SLC12A3: variants seen among roughly 807,000 people sequenced by gnomAD.
The protein encoded by SLC12A3 is solute carrier family 12 member 3.
In SLC12A3, 104 loss-of-function variants were observed where a neutral mutation model predicts 121.0. The observed-to-expected ratio is 0.86, with a 90% CI of 0.73 to 1.01. The LOEUF is 1.01. Among genes scored for constraint, SLC12A3 ranks in the 50% least tolerant of loss-of-function variants. SLC12A3 has a pLI of 0.00. For missense variants in SLC12A3, 1,328 were observed against 1,356.3 expected (o/e 0.98, Z 0.33); for synonymous variants, 536 against 533.4 (o/e 1.00, Z -0.07).
chr16:56,886,328 C>G (rs760025879), intron 15 of SLC12A3, 36 bp from the exon 16 acceptor site: 2 of 1,534,542 alleles, frequency 1.3e-6, no homozygotes, highest in Non-Finnish European at 1.8e-6. Context: ...TGGGCTCTCT[C>G]CTGATGGCTC....
chr16:56,890,371 C>T lies in SLC12A3; in HGVS notation c.2368+15C>T, dbSNP rs763844518. 1 of 1,608,344 alleles carries T rather than the reference C, an allele frequency of 6.2e-7. No individual in the cohort carries two copies. The highest frequency in any genetic ancestry group is 2.2e-5 in the East Asian group (1 of 44,842). On this transcript the variant is annotated intron_variant, in intron 19 of 25. Transcript: ENST00000563236. Reference sequence around the variant, plus strand: ...GCAGGCGCACAGTGAGTACATGCCCCACCCACTCCCAGAAAGTTCTAGAAC... The same window carrying T: ...GCAGGCGCACAGTGAGTACATGCCCTACCCACTCCCAGAAAGTTCTAGAAC...
intron 2 of SLC12A3, 114 bp from the exon 3 acceptor site, chr16:56,868,183 C>T: frequency 1.1e-6 from 1 of 951,264 alleles, no homozygotes; most frequent in East Asian, 2.6e-5. Flanking sequence ...AAGAAGGGAC[C>T]CAGGTGTCCC....
intron 25 of SLC12A3, 42 bp downstream of exon 25, chr16:56,904,504 G>A: frequency 1.2e-5 from 19 of 1,591,968 alleles, no homozygotes; most frequent in Non-Finnish European, 1.6e-5. Flanking sequence ...TCTGTCCAGA[G>A]TCAGGTGTCT....
chr16:56,884,855 C>T (rs1251871540), intron 14 of SLC12A3, among the ~76,000 whole-genome samples: 1 of 152,222 alleles, frequency 6.6e-6, no homozygotes, highest in Admixed American at 6.5e-5. Flanking sequence ...CAACCTCCAC[C>T]TCCCGGGTTC....
chr16:56,888,872 T>C (rs1227693486), intron 18 of SLC12A3, among the ~76,000 whole-genome samples: 1 of 152,146 alleles, frequency 6.6e-6, no homozygotes, highest in Non-Finnish European at 1.5e-5. Flanking sequence ...GATCTTTTAA[T>C]TTTTCAGAGT....
chr16:56,906,631 C>T, intron 25 of SLC12A3: 1 of 374,846 alleles, frequency 2.7e-6, no homozygotes, highest in Non-Finnish European at 4.9e-6. Flanking sequence ...CCTGGGAAGG[C>T]AACAGTACCT....
intron 16 of SLC12A3, 70 bp from the exon 17 acceptor site, chr16:56,886,883 G>A: frequency 2.2e-5 from 35 of 1,606,234 alleles, no homozygotes; most frequent in Non-Finnish European, 2.9e-5. Context: ...CTCCAGGGCA[G>A]GAGAGGGGTT....
rs566327653 is a variant in SLC12A3, at chr16:56,880,061, C to T, written c.1444-69C>T. ...AGGGCACCGAGCCGGGGCTGGAGCT[C>T]AGGTGGCCCCAGGGGAGGGGAAGTG... is the stretch of plus-strand genomic sequence containing the variant. On this transcript the variant is annotated intron_variant, in intron 11 of 25. Coordinates refer to ENST00000563236, the MANE Select transcript of SLC12A3 (RefSeq NM_001126108.2). 120 of 1,580,280 alleles carry T rather than the reference C, an allele frequency of 7.6e-5. 1 individual carries two copies. In the South Asian group the frequency reaches 1.2e-3, roughly 16 times the overall value.
At chr16:56,880,310 A>G (rs2055223399) in intron 12 of SLC12A3, 57 bp downstream of exon 12, 7 of 1,541,456 alleles carry the variant, frequency 4.5e-6, no homozygotes, top group Non-Finnish European at 6.1e-6. Flanking sequence ...GCCGGCCATG[A>G]GGGTCTTGGG....
chr16:56,890,376 AC>A lies in SLC12A3; in HGVS notation c.2368+21del, dbSNP rs1249734220. 1 of 1,607,132 alleles carries A rather than the reference AC, an allele frequency of 6.2e-7. No individual in the cohort carries two copies. The highest frequency in any genetic ancestry group is 8.5e-7 in the Non-Finnish European group (1 of 1,173,752). On this transcript the variant is annotated intron_variant, in intron 19 of 25. Transcript: ENST00000563236. ...CGCACAGTGAGTACATGCCCCACCC[AC>A]TCCCAGAAAGTTCTAGAACACATTT...
chr16:56,870,981 C>A (rs1156724547), intron 6 of SLC12A3, among the ~76,000 whole-genome samples: 1 of 152,034 alleles, frequency 6.6e-6, no homozygotes, highest in African/African-American at 2.4e-5. Context: ...ATTACAGGCA[C>A]CTGCCACCAC....
At chr16:56,875,900 GCTGAGAT>G (rs1338271084) in intron 8 of SLC12A3, among the ~76,000 whole-genome samples, 1 of 151,632 alleles carries the variant, frequency 6.6e-6, no homozygotes, top group Non-Finnish European at 1.5e-5. Flanking sequence ...ACATCCAGAG[GCTGAGAT>G]CTCAGCTCTA....
rs765532596 is a variant in SLC12A3 at position 56,865,545 on chromosome 16, C to T, written c.282+28C>T. The T allele has an allele frequency of 6.2e-6, 10 of 1,606,146 alleles. No homozygotes were observed. The South Asian group carries it at 1.1e-4, about 18-fold the overall frequency. On this transcript the variant is annotated intron_variant, in intron 1 of 25. Coordinates refer to ENST00000563236, the MANE Select transcript of SLC12A3 (RefSeq NM_001126108.2). ...AAGTGCTGTCTCAGAAGACTGGCCA[C>T]TTCCCTGCTGTGTGACCTCGACCCA...
At position 56,893,022 on chromosome 16, in the gene SLC12A3, C is replaced by T. The variant is rs755529943; in HGVS notation, c.2489C>T (p.Thr830Ile). 2 of 1,614,196 alleles carry T rather than the reference C, an allele frequency of 1.2e-6. No individual in the cohort carries two copies. The highest frequency in any genetic ancestry group is 1.7e-6 in the Non-Finnish European group (2 of 1,179,990). ...TIFQSEQGKK[T>I]IDIYWLFDDG... ...TTCCAGTCGGAGCAGGGCAAGAAGA[C>T]CATAGACATCTACTGGCTCTTTGAC... Residue 830 changes from threonine (T) to isoleucine (I), a missense_variant, in exon 21 of 26, where the codon ACC becomes ATC. By Grantham distance (89) the Thr-to-Ile change is moderately conservative. Transcript: ENST00000563236.
At chr16:56,878,611 G>A (rs1190962962) in intron 9 of SLC12A3, among the ~76,000 whole-genome samples, 1 of 152,110 alleles carries the variant, frequency 6.6e-6, no homozygotes, top group Admixed American at 6.6e-5. Flanking sequence ...ACCTGCCCAG[G>A]GTCACACAGC....
At chr16:56,866,947 C>A (rs1043661203) in intron 1 of SLC12A3, 123 bp from the exon 2 acceptor site, 2 of 1,306,068 alleles carry the variant, frequency 1.5e-6, no homozygotes, top group East Asian at 4.7e-5. Flanking sequence ...GCTCAACACC[C>A]AGTGGGCTGA....
rs2055736262 is a variant in SLC12A3 at position 56,915,126 on chromosome 16, GC to G, written c.*1723del. ...CTGCCATCGAATGCCAGTGGGTGAGGCCAAGTGAGGGTATTTGCAGCTCTAG... is the reference window on the plus strand; with the variant it reads ...CTGCCATCGAATGCCAGTGGGTGAGGCAAGTGAGGGTATTTGCAGCTCTAG... On this transcript the variant is annotated 3_prime_UTR_variant, in exon 26 of 26. Coordinates refer to ENST00000563236, the MANE Select transcript of SLC12A3 (RefSeq NM_001126108.2). The G allele has an allele frequency of 6.6e-6, 1 of 152,324 alleles. No homozygotes were observed. The highest frequency in any genetic ancestry group is 2.1e-4 in the South Asian group (1 of 4,832). 9.4% of individuals were successfully genotyped at this position (152,324 alleles called of 1,614,324 possible). A position where few individuals can be genotyped will look rare whatever the true frequency, so the allele number is the denominator to read the frequency against.
At chr16:56,884,604 G>C (rs942000222) in intron 14 of SLC12A3, among the ~76,000 whole-genome samples, 2 of 152,194 alleles carry the variant, frequency 1.3e-5, no homozygotes, top group Non-Finnish European at 2.9e-5. Flanking sequence ...TCCGGGCAAG[G>C]TCTCTACTTG....
At chr16:56,895,355 A>T (rs8063304) in intron 22 of SLC12A3, among the ~76,000 whole-genome samples, 2 of 150,526 alleles carry the variant, frequency 1.3e-5, no homozygotes, top group African/African-American at 4.9e-5. Flanking sequence ...CCATGCCCAG[A>T]TAGTTTTTTT....
Sources: gnomAD v4.1 joint callset for allele counts (sites outside exome capture counted in the v4.1 genomes callset) on GRCh38, gnomAD v4.1.1 for gene constraint, MANE v1.5 for transcripts, NCBI Gene and HGNC (gene_info 2026-07-23, HGNC 2026-07-21) for gene names.